CHD6: variants seen among roughly 807,000 people sequenced by gnomAD.
CHD6 encodes the protein ATP-dependent chromatin remodeler CHD6.
In CHD6, 50 loss-of-function variants were observed where a neutral mutation model predicts 276.9. The observed-to-expected ratio is 0.18, with a 90% CI of 0.14 to 0.23. The LOEUF is 0.23. CHD6 is among the 10% of genes least tolerant of loss of function. CHD6 has a pLI of 1.00. For synonymous variants in CHD6, 1,173 were observed against 1,229.3 expected (o/e 0.95, Z 0.96); for missense variants, 2,564 against 3,365.8 (o/e 0.76, Z 5.89).
At chr20:41,588,331 C>T (rs758982532) in intron 1 of CHD6, among the ~76,000 whole-genome samples, 22 of 152,158 alleles carry the variant, frequency 1.4e-4, no homozygotes, top group African/African-American at 4.8e-4. Context: ...AAGTTCAGGT[C>T]GGCTCAGGTG....
At chr20:41,463,993 T>C (rs1375054533) in intron 17 of CHD6, among the ~76,000 whole-genome samples, 1 of 152,080 alleles carries the variant, frequency 6.6e-6, no homozygotes, top group Non-Finnish European at 1.5e-5. Flanking sequence ...TCTATGCATG[T>C]ACTCAGAGAA....
Position 41,404,237 on chromosome 20 carries a change from G to T in CHD6, c.*356C>A. ...GTCTCTGTTCTTCCACCCTTCAATG[G>T]TAAAACCCTAGACAGCTTTCTTTTG... On this transcript the variant is annotated 3_prime_UTR_variant, in exon 37 of 37. Coordinates refer to ENST00000373233, the MANE Select transcript of CHD6 (RefSeq NM_032221.5). 1 of 1,079,450 alleles carries T rather than the reference G, an allele frequency of 9.3e-7. No homozygotes were observed. The highest frequency in any genetic ancestry group is 1.1e-6 in the Non-Finnish European group (1 of 889,820). 66.9% of individuals were successfully genotyped at this position (1,079,450 alleles called of 1,614,324 possible). A position where few individuals can be genotyped will look rare whatever the true frequency, so the allele number is the denominator to read the frequency against.
chr20:41,433,720 CCTCTT>C (rs1025036347), intron 27 of CHD6, among the ~76,000 whole-genome samples: 1 of 151,380 alleles, frequency 6.6e-6, no homozygotes, highest in Non-Finnish European at 1.5e-5. Context: ...TTTTCCTTCT[CCTCTT>C]GAGTTTTCTA....
chr20:41,413,378 A>G lies in CHD6; in HGVS notation c.7077T>C (p.Leu2359=), dbSNP rs1228037800. The change falls in exon 35 of 37, where the codon CTT becomes CTC. Residue 2359 remains leucine (L), a synonymous_variant. Transcript: ENST00000373233. ...AGTCAGCCTGCTGCCTTAGCCAGTC[A>G]AGCAGACTCTTGCTGGGAATGGATT... ...AEKSIPSKSL[L]DWLRQQADYS... 3.1e-6 allele frequency: 5 copies of G among 1,611,996 alleles called. No homozygotes were observed. In the East Asian group the frequency reaches 8.9e-5, roughly 29 times the overall value.
Position 41,451,887 on chromosome 20 carries a change from G to C in CHD6, c.3462C>G (p.Phe1154Leu). 6.2e-7 allele frequency: 1 copy of C among 1,614,164 alleles called. No homozygotes were observed. Among genetic ancestry groups the C allele is most frequent in the Non-Finnish European group, 8.5e-7 (1 of 1,180,014 alleles). Residue 1154 changes from phenylalanine (F) to leucine (L), a missense_variant, in exon 22 of 37, where the codon TTC (phenylalanine) becomes TTG (leucine). Phe to Leu is a conservative substitution (Grantham distance 22). Coordinates refer to ENST00000373233, the MANE Select transcript of CHD6 (RefSeq NM_032221.5). ...HYKGDEKIKS[F>L]IWELITPTKD... ...TGGTAGGTGTGATCAGTTCCCAAAT[G>C]AAACTCTTGATCTTCTCGTCCCCCT... is the stretch of plus-strand genomic sequence containing the variant.
At chr20:41,425,799 A>C (rs1325193533) in intron 28 of CHD6, among the ~76,000 whole-genome samples, 2 of 151,812 alleles carry the variant, frequency 1.3e-5, no homozygotes, top group African/African-American at 2.4e-5. Flanking sequence ...AAAAAAAAAA[A>C]CAAAAAAAAC....
intron 1 of CHD6, among the ~76,000 whole-genome samples, chr20:41,591,913 G>C (rs2045665937): frequency 1.3e-5 from 2 of 152,124 alleles, no homozygotes; most frequent in South Asian, 4.1e-4. Flanking sequence ...TCCTGGCTAA[G>C]ACAGTGAAAC....
chr20:41,577,178 T>C (rs1461542190), intron 1 of CHD6, among the ~76,000 whole-genome samples: 1 of 152,214 alleles, frequency 6.6e-6, no homozygotes, highest in Non-Finnish European at 1.5e-5. Context: ...CTCTATAGTA[T>C]CTCCTGGCTT....
In CHD6 at chr20:41,491,824, G is replaced by T. The variant is rs757756949; in HGVS notation, c.1315-5C>A. ...GGAGTCTGAAGCAGGCCGCTCCTAG[G>T]GAGGAAAGCAAACAGCATAATAGAT... On this transcript the variant is annotated splice_region_variant and splice_polypyrimidine_tract_variant and intron_variant, in intron 10 of 36. Transcript: ENST00000373233. 10 of 1,613,502 alleles carry T rather than the reference G, an allele frequency of 6.2e-6. No homozygotes were observed. The Admixed American group carries it at 1.7e-4, about 27-fold the overall frequency.
intron 29 of CHD6, among the ~76,000 whole-genome samples, chr20:41,424,422 G>GT (rs1302645863): frequency 6.6e-6 from 1 of 152,228 alleles, no homozygotes; most frequent in Non-Finnish European, 1.5e-5. Context: ...AGGCATGGGG[G>GT]TAACAGGGTG....
intron 1 of CHD6, among the ~76,000 whole-genome samples, chr20:41,616,207 C>A (rs1397482673): frequency 6.6e-6 from 1 of 152,082 alleles, no homozygotes; most frequent in Non-Finnish European, 1.5e-5. Flanking sequence ...CTGATGAGTT[C>A]AGAGAACTTC....
intron 29 of CHD6, among the ~76,000 whole-genome samples, chr20:41,424,741 T>G (rs997856316): frequency 4.6e-5 from 7 of 152,220 alleles, no homozygotes; most frequent in African/African-American, 1.7e-4. Flanking sequence ...TGGTAATTTA[T>G]TCTTTCCTTC....
chr20:41,441,090 A>C (rs373294567), intron 25 of CHD6, among the ~76,000 whole-genome samples: 1 of 152,188 alleles, frequency 6.6e-6, no homozygotes. Context: ...GGTGCTGCCC[A>C]CATGAGGTAC....
intron 2 of CHD6, among the ~76,000 whole-genome samples, chr20:41,546,937 T>C (rs1198768778): frequency 6.6e-6 from 1 of 152,244 alleles, no homozygotes; most frequent in Non-Finnish European, 1.5e-5. Context: ...ATGCCCTTTC[T>C]GGTTAATAAG....
At chr20:41,485,700 G>C (rs1303301676) in intron 14 of CHD6, 1 of 152,038 alleles carries the variant, frequency 6.6e-6, no homozygotes, top group Non-Finnish European at 1.5e-5. Flanking sequence ...GGGGTGGGGC[G>C]GGGTAGGGAG....
At chr20:41,496,041 G>A (rs2043677801) in intron 8 of CHD6, among the ~76,000 whole-genome samples, 1 of 152,168 alleles carries the variant, frequency 6.6e-6, no homozygotes, top group Admixed American at 6.5e-5. Flanking sequence ...GTTTTGCAAA[G>A]TCCCTCACTG....
In CHD6 at chr20:41,473,450, A is replaced by C. The variant is rs2043101035; in HGVS notation, c.2536T>G (p.Cys846Gly). Residue 846 changes from cysteine to glycine, a missense_variant, in exon 17 of 37, where the codon TGT (cysteine) becomes GGT (glycine). Cys to Gly is a radical substitution (Grantham distance 159). Coordinates refer to ENST00000373233, the MANE Select transcript of CHD6 (RefSeq NM_032221.5). This position sits in a 1 kb window ranked among gnomAD's most constrained non-coding sequence, Gnocchi z 4.1. ...ACAAAGCGGTCTGAATCTGGCTTACAGAACCGGTCGATGGCTGCCTGGCGC... is the reference window on the plus strand; with the variant it reads ...ACAAAGCGGTCTGAATCTGGCTTACCGAACCGGTCGATGGCTGCCTGGCGC... ...NLRQAAIDRF[C>G]KPDSDRFVFL... 1 of 1,614,028 alleles carries C rather than the reference A, an allele frequency of 6.2e-7. No individual in the cohort carries two copies. Among genetic ancestry groups the C allele is most frequent in the African/African-American group, 1.3e-5 (1 of 74,938 alleles).
chr20:41,415,743 C>A (rs1264729641), intron 33 of CHD6, 105 bp from the exon 34 acceptor site: 7 of 875,084 alleles, frequency 8.0e-6, no homozygotes, highest in Non-Finnish European at 1.2e-5. Context: ...TGTTTCCAAT[C>A]ATCTTTTTAG....
At chr20:41,485,403 A>G (rs557774479) in intron 14 of CHD6, among the ~76,000 whole-genome samples, 1 of 152,338 alleles carries the variant, frequency 6.6e-6, no homozygotes, top group East Asian at 1.9e-4. Context: ...ATAAGGGAAG[A>G]TGAAAGTGCA....
Sources: gnomAD v4.1 joint callset for allele counts (sites outside exome capture counted in the v4.1 genomes callset) on GRCh38, gnomAD v4.1.1 for gene constraint, Gnocchi (gnomAD v3.1) non-coding constraint, MANE v1.5 for transcripts, NCBI Gene and HGNC (gene_info 2026-07-23, HGNC 2026-07-21) for gene names.